The following CREB5 variants were observed in gnomAD, a reference collection of about 807,000 sequenced individuals.
The protein encoded by CREB5 is cyclic AMP-responsive element-binding protein 5.
A neutral mutation model predicts 57.1 loss-of-function variants in CREB5; 19 were observed. The observed-to-expected ratio is 0.33, with a 90% confidence interval of 0.23 to 0.49. The LOEUF is 0.49. Among genes scored for constraint, CREB5 ranks in the 20% least tolerant of loss-of-function variants. CREB5 has a pLI of 0.99. For missense variants in CREB5, 579 were observed against 671.6 expected (o/e 0.86, Z 1.52); for synonymous variants, 238 against 238.3 (o/e 1.00, Z 0.01).
chr7:28,348,408 T>TCTCACACACACACACA (rs1376338798), intron 1 of CREB5, among the ~76,000 whole-genome samples: 2 of 118,116 alleles, frequency 1.7e-5, no homozygotes, highest in Admixed American at 8.5e-5. Flanking sequence ...TCTCTCTCTC[T>TCTCACACACACACACA]CACACACACA....
At chr7:28,421,782 T>TATATATAC (rs67006630) in intron 1 of CREB5, among the ~76,000 whole-genome samples, 4 of 145,838 alleles carry the variant, frequency 2.7e-5, no homozygotes, top group Admixed American at 1.4e-4. Context: ...TATATATATA[T>TATATATAC]ACCATATATA....
chr7:28,545,734 A>G (rs1343584079), intron 4 of CREB5, among the ~76,000 whole-genome samples: 1 of 152,070 alleles, frequency 6.6e-6, no homozygotes, highest in East Asian at 1.9e-4. Context: ...ATGAGAGAAA[A>G]TTTCCACTCT....
At chr7:28,669,191 G>A (rs1270365305) in intron 5 of CREB5, among the ~76,000 whole-genome samples, 10 of 152,188 alleles carry the variant, frequency 6.6e-5, no homozygotes, top group Non-Finnish European at 1.5e-4. Context: ...AGATCAAGAT[G>A]TATTGAGAAA....
chr7:28,823,713 T>C lies in CREB5; in HGVS notation c.*4434T>C, dbSNP rs964115052. On this transcript the variant is annotated 3_prime_UTR_variant, in exon 11 of 11. Transcript: ENST00000357727. ...TTGTAGAAGTGTAAAAACAGCTTCA[T>C]CTCTGCCTCTCTCCACCCCACCCCA... 4 of 152,310 alleles carry C rather than the reference T, an allele frequency of 2.6e-5. No individual in the cohort carries two copies. The highest frequency in any genetic ancestry group is 9.6e-5 in the African/African-American group (4 of 41,452). The allele number at this position is 152,310 out of a possible 1,614,324, so 9.4% of individuals were successfully genotyped here.
intron 1 of CREB5, among the ~76,000 whole-genome samples, chr7:28,348,122 A>G (rs1234258074): frequency 6.6e-6 from 1 of 152,068 alleles, no homozygotes; most frequent in Non-Finnish European, 1.5e-5. Context: ...GAACACTCTC[A>G]CTGGTCAATC....
At chr7:28,543,950 C>T (rs1313480173) in intron 4 of CREB5, among the ~76,000 whole-genome samples, 4 of 148,996 alleles carry the variant, frequency 2.7e-5, no homozygotes, top group South Asian at 2.2e-4. Context: ...ATATCTATCT[C>T]GTATGAGTGC....
chr7:28,649,957 G>A (rs1799060722), intron 5 of CREB5, among the ~76,000 whole-genome samples: 1 of 152,192 alleles, frequency 6.6e-6, no homozygotes, highest in South Asian at 2.1e-4. Context: ...AGAAGCTCTT[G>A]CAATTGAAAG....
chr7:28,375,099 AT>A (rs1786794496), intron 1 of CREB5, among the ~76,000 whole-genome samples: 1 of 152,178 alleles, frequency 6.6e-6, no homozygotes, highest in Non-Finnish European at 1.5e-5. Context: ...AAAGGGGTGA[AT>A]TTTATGGTAT....
At chr7:28,809,949 A>T (rs1438294691) in intron 9 of CREB5, among the ~76,000 whole-genome samples, 1 of 152,184 alleles carries the variant, frequency 6.6e-6, no homozygotes, top group East Asian at 1.9e-4. Flanking sequence ...GTTTCATGGA[A>T]GAAAGAAAGG....
intron 2 of CREB5, 22 bp from the exon 3 acceptor site, chr7:28,494,884 T>G (rs759069269): frequency 7.6e-7 from 1 of 1,324,456 alleles, no homozygotes; most frequent in Non-Finnish European, 9.8e-7. Flanking sequence ...CTCCCCTCCC[T>G]TTTTTTTTAT....
intron 1 of CREB5, among the ~76,000 whole-genome samples, chr7:28,348,278 C>T (rs1051480182): frequency 6.6e-6 from 1 of 152,116 alleles, no homozygotes; most frequent in Non-Finnish European, 1.5e-5. Context: ...TGCATCTCAT[C>T]GCTGGCACAT....
At chr7:28,589,498 G>A (rs1181120067) in intron 5 of CREB5, among the ~76,000 whole-genome samples, 1 of 152,138 alleles carries the variant, frequency 6.6e-6, no homozygotes, top group East Asian at 1.9e-4. Context: ...AGCTTGCAGT[G>A]AGCCAAGATC....
At position 28,302,204 on chromosome 7, in the gene CREB5, C is replaced by A. The variant is rs1345897277; in HGVS notation, c.-25+2763C>A. ...ATATTAATTCTCTAATTTTAAAGCA[C>A]CAAATAAATAGCTGCATCACATTAA... On this transcript the variant is annotated intron_variant, in intron 1 of 9. Coordinates refer to the CREB5 transcript ENST00000396299. Among the ~76,000 whole-genome samples the A allele has an allele frequency of 5.3e-5, 8 of 152,236 alleles. No homozygotes were observed. In the East Asian group the frequency reaches 1.5e-3, roughly 29 times the overall value.
At position 28,519,506 on chromosome 7, in the gene CREB5, G is replaced by C. The variant is rs143408127; in HGVS notation, c.291+11769G>C. On this transcript the variant is annotated intron_variant, in intron 4 of 10. Transcript: ENST00000357727. ...ACTGATTTACCCATAAGCTGGAGGT[G>C]AACTTAGAGTTGATTTACCCTTGGT... Among the ~76,000 whole-genome samples, 657 of 146,774 alleles carry C rather than the reference G, an allele frequency of 4.5e-3. 8 individuals carry two copies. The highest frequency in any genetic ancestry group is 0.016 in the African/African-American group (633 of 40,778).
At chr7:28,814,357 C>T (rs1045818804) in intron 9 of CREB5, among the ~76,000 whole-genome samples, 1 of 152,174 alleles carries the variant, frequency 6.6e-6, no homozygotes, top group Non-Finnish European at 1.5e-5. Context: ...CCAAAGGCCC[C>T]TTATGAAATA....
At chr7:28,491,234 C>G (rs1791792627) in intron 2 of CREB5, 2 of 985,376 alleles carry the variant, frequency 2.0e-6, no homozygotes. Context: ...TGGAGTTTGT[C>G]AAGAACAAGA....
At chr7:28,326,472 C>T (rs920819831) in intron 1 of CREB5, among the ~76,000 whole-genome samples, 1 of 152,174 alleles carries the variant, frequency 6.6e-6, no homozygotes, top group African/African-American at 2.4e-5. Flanking sequence ...ATGCTTCCAG[C>T]CCCACTGCTG....
At chr7:28,604,700 GTTGA>G (rs946417133) in intron 5 of CREB5, among the ~76,000 whole-genome samples, 1 of 151,788 alleles carries the variant, frequency 6.6e-6, no homozygotes, top group Non-Finnish European at 1.5e-5. Context: ...TGTATATCAT[GTTGA>G]TTGTTTTCTG....
At chr7:28,665,132 A>G (rs17722964) in intron 5 of CREB5, among the ~76,000 whole-genome samples, 2,164 of 152,236 alleles carry the variant, frequency 0.014, 48 homozygotes, top group African/African-American at 0.042. Flanking sequence ...TCATTTCTCT[A>G]TGGAAGCATC....
Sources: gnomAD v4.1 joint callset for allele counts (sites outside exome capture counted in the v4.1 genomes callset) on GRCh38, gnomAD v4.1.1 for gene constraint, MANE v1.5 for transcripts, NCBI Gene and HGNC (gene_info 2026-07-23, HGNC 2026-07-21) for gene names.